Variants in DAPP1 observed in about 807,000 individuals in gnomAD.
The protein encoded by DAPP1 is dual adaptor of phosphotyrosine and 3-phosphoinositides 1.
In DAPP1, 20 loss-of-function variants were observed where a neutral mutation model predicts 41.5. The ratio of observed to expected loss-of-function variants is 0.48; its 90% CI spans 0.34 to 0.70. The LOEUF is 0.70. Among genes scored for constraint, DAPP1 ranks in the 30% least tolerant of loss-of-function variants. DAPP1 has a pLI of 0.01. For missense variants in DAPP1, 233 were observed against 333.4 expected (o/e 0.70, Z 2.35); for synonymous variants, 113 against 116.2 (o/e 0.97, Z 0.18).
chr4:99,834,537 C>T (rs535180697), intron 1 of DAPP1, among the ~76,000 whole-genome samples: 1 of 152,248 alleles, frequency 6.6e-6, no homozygotes, highest in South Asian at 2.1e-4. Flanking sequence ...TAATTCCTTC[C>T]ATCCAGCTTC....
Position 99,853,286 on chromosome 4 carries a change from C to T in DAPP1, c.427C>T (p.Arg143Trp), listed in dbSNP as rs548601611. The T allele has an allele frequency of 3.1e-5, 50 of 1,613,338 alleles. No homozygotes were observed. Among genetic ancestry groups the T allele is most frequent in the South Asian group, 8.8e-5 (8 of 90,928 alleles). Residue 143 changes from arginine (R) to tryptophan (W), a missense_variant, in exon 4 of 9, where the codon CGG (arginine) becomes TGG (tryptophan). Transcript: ENST00000512369. ...VEEPSIYESV[R>W]VHTAMQTGRT... ...AGAACCCTCCATTTATGAATCTGTC[C>T]GGGTTCACACAGCAATGCAGACAGG...
At chr4:99,823,951 G>GT (rs1157947069) in intron 1 of DAPP1, among the ~76,000 whole-genome samples, 1 of 152,126 alleles carries the variant, frequency 6.6e-6, no homozygotes, top group Admixed American at 6.5e-5. Flanking sequence ...TTTCAAAATG[G>GT]TATCAAAGAA....
At chr4:99,855,971 G>A (rs1724030737) in intron 4 of DAPP1, among the ~76,000 whole-genome samples, 7 of 152,208 alleles carry the variant, frequency 4.6e-5, no homozygotes, top group Admixed American at 3.9e-4. Flanking sequence ...GCAGATGACT[G>A]TGTATAACTG....
At chr4:99,823,396 C>T (rs1042802724) in intron 1 of DAPP1, among the ~76,000 whole-genome samples, 51 of 152,202 alleles carry the variant, frequency 3.4e-4, no homozygotes, top group African/African-American at 1.2e-3. Flanking sequence ...ACTAAAATGT[C>T]AGCCATGTAC....
At chr4:99,833,129 A>C (rs1723180297) in intron 1 of DAPP1, among the ~76,000 whole-genome samples, 1 of 152,186 alleles carries the variant, frequency 6.6e-6, no homozygotes, top group Non-Finnish European at 1.5e-5. Flanking sequence ...TGGAAATTTC[A>C]CCTATCAAAA....
chr4:99,836,870 G>A (rs1578357443), intron 2 of DAPP1, among the ~76,000 whole-genome samples: 2 of 152,216 alleles, frequency 1.3e-5, no homozygotes, highest in Admixed American at 1.3e-4. Flanking sequence ...TGTTGGAGAA[G>A]CTTGTGGCTC....
chr4:99,848,147 C>T (rs1013461280), intron 3 of DAPP1, among the ~76,000 whole-genome samples: 1 of 151,132 alleles, frequency 6.6e-6, no homozygotes, highest in African/African-American at 2.4e-5. Context: ...CAGAAACCAG[C>T]TCTGGCTAGC....
chr4:99,853,464 C>A, intron 4 of DAPP1, 116 bp downstream of exon 4: 1 of 1,375,966 alleles, frequency 7.3e-7, no homozygotes, highest in Non-Finnish European at 9.7e-7. Flanking sequence ...GAATATAAAA[C>A]TTGGAAAGGA....
At chr4:99,825,363 A>C (rs1032115816) in intron 1 of DAPP1, among the ~76,000 whole-genome samples, 5 of 152,104 alleles carry the variant, frequency 3.3e-5, no homozygotes, top group Non-Finnish European at 7.4e-5. Context: ...AGACTTCTTC[A>C]AGAACAGGTT....
chr4:99,823,786 G>A (rs1243939976), intron 1 of DAPP1, among the ~76,000 whole-genome samples: 8 of 151,988 alleles, frequency 5.3e-5, no homozygotes, highest in African/African-American at 1.9e-4. Flanking sequence ...AAGATAGTGG[G>A]TTAGTGAGGG....
intron 1 of DAPP1, among the ~76,000 whole-genome samples, 185 bp downstream of exon 1, chr4:99,817,199 T>C (rs540427513): frequency 4.4e-4 from 67 of 152,282 alleles, no homozygotes; most frequent in South Asian, 2.1e-3. Flanking sequence ...GCTAATTCCA[T>C]TGGAAAAGCA....
chr4:99,871,329 T>C (rs1020782453), downstream of DAPP1, among the ~76,000 whole-genome samples: 3 of 152,192 alleles, frequency 2.0e-5, no homozygotes, highest in Non-Finnish European at 4.4e-5. Context: ...GAGCCTACGG[T>C]CTGCTCTCTA....
intron 5 of DAPP1, among the ~76,000 whole-genome samples, chr4:99,862,514 C>T (rs1033485624): frequency 2.6e-5 from 4 of 152,110 alleles, no homozygotes; most frequent in Admixed American, 1.3e-4. Context: ...AATAATAATA[C>T]TGGCATTGTT....
intron 1 of DAPP1, among the ~76,000 whole-genome samples, chr4:99,833,302 T>C (rs1723184685): frequency 6.6e-6 from 1 of 152,256 alleles, no homozygotes; most frequent in African/African-American, 2.4e-5. Context: ...CTGTGTTTAT[T>C]CTTATAAAAT....
intron 7 of DAPP1, 62 bp from the exon 8 acceptor site, chr4:99,865,972 A>C: frequency 1.4e-5 from 2 of 148,064 alleles, no homozygotes; most frequent in South Asian, 2.3e-4. Flanking sequence ...TATATTATAT[A>C]TATATATATA....
At position 99,858,411 on chromosome 4, in the gene DAPP1, CTTTG is replaced by C. The variant is rs1344760377; in HGVS notation, c.490-3161_490-3158del. Among the ~76,000 whole-genome samples the C allele has an allele frequency of 7.2e-5, 11 of 152,316 alleles. No homozygotes were observed. In the South Asian group the frequency reaches 1.7e-3, roughly 23 times the overall value. On this transcript the variant is annotated intron_variant, in intron 4 of 8. Coordinates refer to ENST00000512369, the MANE Select transcript of DAPP1 (RefSeq NM_014395.3). ...GGCTACAAATACCACAAAAGTGATG[CTTTG>C]TTTGTGCTTCTCACTGTGTCTTCTC...
chr4:99,852,191 A>G (rs115812798), intron 3 of DAPP1, among the ~76,000 whole-genome samples: 2,598 of 152,318 alleles, frequency 0.017, 36 homozygotes, highest in Non-Finnish European at 0.028. Context: ...CATTCCCAGT[A>G]CCTAGACAAG....
intron 2 of DAPP1, among the ~76,000 whole-genome samples, chr4:99,837,602 G>T (rs1235802491): frequency 6.6e-6 from 1 of 152,162 alleles, no homozygotes; most frequent in South Asian, 2.1e-4. Context: ...AATGTTAAAA[G>T]TTCATCTAAT....
At chr4:99,817,123 C>A in intron 1 of DAPP1, 109 bp downstream of exon 1, 1 of 675,588 alleles carries the variant, frequency 1.5e-6, no homozygotes, top group Non-Finnish European at 2.4e-6. Flanking sequence ...TTGCCCTCTG[C>A]CACCTCAACC....
Sources: gnomAD v4.1 joint callset for allele counts (sites outside exome capture counted in the v4.1 genomes callset) on GRCh38, gnomAD v4.1.1 for gene constraint, MANE v1.5 for transcripts, NCBI Gene and HGNC (gene_info 2026-07-23, HGNC 2026-07-21) for gene names.